NAV3: variants seen among roughly 807,000 people sequenced by gnomAD.
NAV3 encodes pore membrane and/or filament interacting like protein 1.
Under a neutral mutation model 244.7 loss-of-function variants are expected in NAV3, and 87 were observed. The observed-to-expected ratio is 0.36, with a 90% CI of 0.30 to 0.42. The LOEUF (loss-of-function observed/expected upper bound fraction) is 0.42, where lower values mean the gene tolerates loss of function less well. Ranked by LOEUF, NAV3 falls within the 20% of genes least tolerant of loss-of-function variation. The pLI is 1.00. For missense variants in NAV3, 2,663 were observed against 2,893.3 expected (o/e 0.92, Z 1.83); for synonymous variants, 1,126 against 1,042.2 (o/e 1.08, Z -1.55).
At chr12:78,011,174 G>C (rs1043358130) in intron 8 of NAV3, among the ~76,000 whole-genome samples, 2 of 152,126 alleles carry the variant, frequency 1.3e-5, no homozygotes, top group Non-Finnish European at 2.9e-5. Context: ...GGAATAGGCT[G>C]CTTTTTATAG....
intron 34 of NAV3, among the ~76,000 whole-genome samples, chr12:78,194,890 C>A (rs1959137548): frequency 2.6e-5 from 4 of 152,184 alleles, no homozygotes; most frequent in Admixed American, 2.0e-4. Context: ...GCAAATCATA[C>A]TGCCACCACA....
At position 78,162,289 on chromosome 12, in the gene NAV3, C is replaced by T. The variant is rs75538222; in HGVS notation, c.4869+3003C>T. Reference sequence around the variant, plus strand: ...GTATAGAGCAGAGATTCTTAAACTCCCTTCCCCAAGTTATAAGTTTCATTT... The same window carrying T: ...GTATAGAGCAGAGATTCTTAAACTCTCTTCCCCAAGTTATAAGTTTCATTT... On this transcript the variant is annotated intron_variant, in intron 23 of 39. Transcript: ENST00000397909. 3.3e-3 allele frequency among the ~76,000 whole-genome samples: 508 copies of T among 152,092 alleles called. 1 individual carries two copies. The highest frequency in any genetic ancestry group is 0.011 in the African/African-American group (463 of 41,510).
At chr12:77,765,153 A>C (rs1292114863) in intron 2 of NAV3, among the ~76,000 whole-genome samples, 1 of 152,162 alleles carries the variant, frequency 6.6e-6, no homozygotes, top group Non-Finnish European at 1.5e-5. Context: ...GCTGAAGGAG[A>C]CTTCTGACTT....
At chr12:77,766,734 A>ATTTTTTTTTTTTTTTTTTT (rs1565805085) in intron 2 of NAV3, among the ~76,000 whole-genome samples, 3 of 53,344 alleles carry the variant, frequency 5.6e-5, no homozygotes, top group African/African-American at 1.5e-4. Flanking sequence ...CAGGCAATTA[A>ATTTTTTTTTTTTTTTTTTT]GTTTTTTTTT....
chr12:78,071,945 TAATGA>T (rs965377544), intron 12 of NAV3, among the ~76,000 whole-genome samples: 3 of 152,128 alleles, frequency 2.0e-5, no homozygotes, highest in African/African-American at 7.2e-5. Context: ...ACTGGGTACA[TAATGA>T]AATGAAGGCA....
chr12:77,654,896 G>T (rs1347424226), intron 2 of NAV3, among the ~76,000 whole-genome samples: 1 of 147,194 alleles, frequency 6.8e-6, no homozygotes, highest in Admixed American at 6.7e-5. Flanking sequence ...GCAGCTGAGG[G>T]TCCTGTCTGT....
intron 2 of NAV3, among the ~76,000 whole-genome samples, chr12:77,711,353 T>C (rs944731271): frequency 6.6e-6 from 1 of 152,238 alleles, no homozygotes; most frequent in African/African-American, 2.4e-5. Context: ...TGTGCATCTC[T>C]AGTCCCATAG....
chr12:77,628,745 G>A (rs1461264829), intron 2 of NAV3, among the ~76,000 whole-genome samples: 1 of 151,544 alleles, frequency 6.6e-6, no homozygotes, highest in Admixed American at 6.6e-5. Context: ...CAAAAAATTA[G>A]CCGGGCACGG....
rs564529583 is a variant in NAV3 at position 78,007,002 on chromosome 12, G to A, written c.1464G>A (p.Lys488=). 26 of 1,614,090 alleles carry A rather than the reference G, an allele frequency of 1.6e-5. No individual in the cohort carries two copies. Among genetic ancestry groups the A allele is most frequent in the Admixed American group, 3.3e-5 (2 of 59,984 alleles). ...VCTEKPVKEE[K]DQVTEMAPKK... is the part of the protein sequence containing the mutation. ...CTGAAAAACCAGTCAAAGAAGAGAAGGATCAGGTGACAGAGATGGCTCCAA... is the reference window on the plus strand; with the variant it reads ...CTGAAAAACCAGTCAAAGAAGAGAAAGATCAGGTGACAGAGATGGCTCCAA... The change falls in exon 8 of 40, where the codon AAG becomes AAA. Residue 488 remains lysine, a synonymous_variant. Coordinates refer to ENST00000397909, the MANE Select transcript of NAV3 (RefSeq NM_001024383.2).
intron 9 of NAV3, among the ~76,000 whole-genome samples, chr12:78,045,408 G>A (rs1244681498): frequency 6.6e-6 from 1 of 152,058 alleles, no homozygotes; most frequent in Non-Finnish European, 1.5e-5. Flanking sequence ...CGATTCTCCT[G>A]CCTCAGCCTC....
chr12:77,718,286 C>T (rs1321428093), intron 2 of NAV3, among the ~76,000 whole-genome samples: 1 of 151,984 alleles, frequency 6.6e-6, no homozygotes, highest in East Asian at 1.9e-4. Context: ...TATTTTTTTG[C>T]ATGCGGATTT....
Position 78,095,084 on chromosome 12 carries a change from CACACATATATATAT to C in NAV3, c.2637-21666_2637-21653del, listed in dbSNP as rs1368969960. The stretch of plus-strand genomic sequence containing the variant: ...ATATATACACACACACACACACACA[CACACATATATATAT>C]ACACATATATATATACACATACATA... On this transcript the variant is annotated intron_variant, in intron 12 of 39. Transcript: ENST00000397909. Among the ~76,000 whole-genome samples the C allele has an allele frequency of 1.9e-4, 26 of 135,044 alleles. No homozygotes were observed. The East Asian group carries it at 2.7e-3, about 14-fold the overall frequency. The allele number at this position is 135,044 out of a possible 152,430, so 88.6% of individuals were successfully genotyped here.
At chr12:77,777,899 A>G (rs781715701) in intron 2 of NAV3, among the ~76,000 whole-genome samples, 11 of 151,042 alleles carry the variant, frequency 7.3e-5, no homozygotes, top group African/African-American at 2.2e-4. Context: ...TCCGCCTCCC[A>G]GGTTCAAGCG....
intron 37 of NAV3, among the ~76,000 whole-genome samples, chr12:78,199,787 A>T (rs895016225): frequency 2.0e-5 from 3 of 152,112 alleles, no homozygotes; most frequent in African/African-American, 7.2e-5. Context: ...TCTAAAAATC[A>T]GATAACCACT....
At chr12:78,116,273 AAAG>A (rs1235568212) in intron 12 of NAV3, among the ~76,000 whole-genome samples, 3 of 152,214 alleles carry the variant, frequency 2.0e-5, no homozygotes, top group Non-Finnish European at 1.5e-5. Flanking sequence ...CTTGGTGATC[AAAG>A]AATAATGAGA....
intron 2 of NAV3, among the ~76,000 whole-genome samples, chr12:77,696,635 C>A (rs1225897991): frequency 6.6e-6 from 1 of 152,106 alleles, no homozygotes; most frequent in African/African-American, 2.4e-5. Flanking sequence ...AAGCTTATGG[C>A]AATTTGTTAA....
chr12:78,043,809 C>G (rs905876918), intron 9 of NAV3, among the ~76,000 whole-genome samples: 5 of 152,028 alleles, frequency 3.3e-5, no homozygotes, highest in African/African-American at 1.2e-4. Flanking sequence ...TGTTTAAGTT[C>G]CTTGTAGATT....
At chr12:77,961,898 ATAC>A in intron 3 of NAV3, among the ~76,000 whole-genome samples, 1 of 151,872 alleles carries the variant, frequency 6.6e-6, no homozygotes, top group Non-Finnish European at 1.5e-5. Flanking sequence ...GTTATGATAT[ATAC>A]TTTAATATTT....
intron 18 of NAV3, among the ~76,000 whole-genome samples, chr12:78,135,109 A>G (rs1956317972): frequency 1.3e-5 from 2 of 152,158 alleles, no homozygotes; most frequent in African/African-American, 4.8e-5. Flanking sequence ...GAAGCTCTTT[A>G]CCAATTTGTG....
Sources: gnomAD v4.1 joint callset for allele counts (sites outside exome capture counted in the v4.1 genomes callset) on GRCh38, gnomAD v4.1.1 for gene constraint, MANE v1.5 for transcripts, NCBI Gene and HGNC (gene_info 2026-07-23, HGNC 2026-07-21) for gene names.